AMPD3: variants seen among roughly 807,000 people sequenced by gnomAD.
AMPD3 encodes adenosine monophosphate deaminase 3.
A neutral mutation model predicts 82.3 loss-of-function variants in AMPD3; 57 were observed. The ratio of observed to expected loss-of-function variants is 0.69; its 90% CI spans 0.56 to 0.86. The LOEUF is 0.86. Among genes scored for constraint, AMPD3 ranks in the 40% least tolerant of loss-of-function variants. AMPD3 has a pLI of 0.00. For synonymous variants in AMPD3, 381 were observed against 394.7 expected, an observed-to-expected ratio of 0.97 and a Z score of 0.41; for missense variants, 870 against 1,003.8, an observed-to-expected ratio of 0.87 and a Z score of 1.80.
In AMPD3 at chr11:10,478,714, G is replaced by A; in HGVS notation, c.410G>A (p.Gly137Glu). The A allele has an allele frequency of 6.2e-7, 1 of 1,613,294 alleles. No individual in the cohort carries two copies. Residue 137 changes from glycine to glutamate, a missense_variant, in exon 3 of 15, where the codon GGA (glycine) becomes GAA (glutamate). By Grantham distance (98) the Gly-to-Glu change is moderately conservative. Coordinates refer to ENST00000396553, the MANE Select transcript of AMPD3 (RefSeq NM_001025389.2). ...GAGTTCCAGCGGGTCACCATCAGCG[G>A]AGATTACTGTGCCGGGGTAAGGCGT... ...MPEFQRVTIS[G>E]DYCAGITLED...
intron 2 of AMPD3, among the ~76,000 whole-genome samples, chr11:10,477,729 C>A (rs1448501990): frequency 6.6e-6 from 1 of 152,170 alleles, no homozygotes; most frequent in Non-Finnish European, 1.5e-5. Flanking sequence ...TGGTACACGG[C>A]GGGCTAGAGG....
chr11:10,500,045 G>A (rs777011148), intron 10 of AMPD3, 41 bp from the exon 11 acceptor site: 2 of 1,613,514 alleles, frequency 1.2e-6, no homozygotes, highest in Admixed American at 1.7e-5. Flanking sequence ...GCTGAGTCCT[G>A]GTCCTGCCTT....
At chr11:10,495,073 C>T (rs369387287) in intron 8 of AMPD3, 43 bp downstream of exon 8, 85 of 1,613,568 alleles carry the variant, frequency 5.3e-5, no homozygotes, top group Non-Finnish European at 6.8e-5. Flanking sequence ...CAGGTGCCTC[C>T]CAACATCTGC....
intron 3 of AMPD3, 94 bp downstream of exon 3, chr11:10,478,824 C>G (rs1482376475): frequency 3.0e-6 from 4 of 1,341,556 alleles, no homozygotes; most frequent in Non-Finnish European, 3.1e-6. Flanking sequence ...GAGCCTGGCC[C>G]TGTCCGTGGA....
intron 6 of AMPD3, among the ~76,000 whole-genome samples, chr11:10,492,263 T>A (rs911157760): frequency 1.3e-5 from 2 of 152,240 alleles, no homozygotes; most frequent in Non-Finnish European, 2.9e-5. Context: ...TTCTGCTTCT[T>A]AGGATTTGCT....
intron 3 of AMPD3, among the ~76,000 whole-genome samples, chr11:10,480,192 C>T (rs1591462473): frequency 6.6e-6 from 1 of 152,262 alleles, no homozygotes; most frequent in Non-Finnish European, 1.5e-5. Flanking sequence ...AGTAGGTCTG[C>T]TGTCAGCCAT....
In AMPD3 at chr11:10,494,996, A is replaced by C. The variant is rs767274643; in HGVS notation, c.1232A>C (p.Tyr411Ser). 1.2e-6 allele frequency: 2 copies of C among 1,614,236 alleles called. No individual in the cohort carries two copies. Among genetic ancestry groups the C allele is most frequent in the Admixed American group, 1.7e-5 (1 of 60,036 alleles). ...LRDLYLKTENYLGGEYFARMV... is the reference protein window; with the variant it reads ...LRDLYLKTENSLGGEYFARMV... The stretch of plus-strand genomic sequence containing the variant: ...GACCTGTATTTGAAAACTGAAAACT[A>C]TCTGGGAGGAGAGTACTTTGCTCGG... The change falls in exon 8 of 15, where the codon TAT becomes TCT. Residue 411 changes from tyrosine to serine, a missense_variant. Coordinates refer to ENST00000396553, the MANE Select transcript of AMPD3 (RefSeq NM_001025389.2).
intron 6 of AMPD3, among the ~76,000 whole-genome samples, chr11:10,491,277 G>T (rs1849233657): frequency 6.6e-6 from 1 of 152,200 alleles, no homozygotes; most frequent in Admixed American, 6.5e-5. Context: ...TACCCATAGT[G>T]ACTTGAGGCC....
intron 2 of AMPD3, among the ~76,000 whole-genome samples, chr11:10,462,686 G>A (rs1453886994): frequency 2.0e-5 from 3 of 152,164 alleles, no homozygotes; most frequent in Non-Finnish European, 4.4e-5. Flanking sequence ...CAGCGCAAGT[G>A]CTATGAAAGA....
chr11:10,484,959 G>T lies in AMPD3; in HGVS notation c.729G>T (p.Pro243=). Residue 243 remains proline, a synonymous_variant, in exon 5 of 15, where the codon CCG becomes CCT. Transcript: ENST00000396553. ...DNKKMLEHQE[P]HSLPYPDLET... The stretch of plus-strand genomic sequence containing the variant: ...AGAAGATGCTGGAGCACCAGGAGCC[G>T]CACAGCCTACCCTACCCCGACCTGG... 1.2e-6 allele frequency: 2 copies of T among 1,613,642 alleles called. No individual in the cohort carries two copies. The highest frequency in any genetic ancestry group is 1.7e-6 in the Non-Finnish European group (2 of 1,179,894).
intron 12 of AMPD3, chr11:10,502,361 G>A: frequency 1.0e-6 from 1 of 985,458 alleles, no homozygotes; most frequent in African/African-American, 1.7e-5. Flanking sequence ...ACAGCTAGAG[G>A]GGGGCATCTT....
intron 8 of AMPD3, chr11:10,495,260 A>G: frequency 1.0e-6 from 1 of 985,442 alleles, no homozygotes; most frequent in Non-Finnish European, 1.2e-6. Context: ...ACCTTGGCCA[A>G]GCTCACAGCA....
chr11:10,490,550 C>T, intron 6 of AMPD3: 6 of 985,378 alleles, frequency 6.1e-6, no homozygotes, highest in Non-Finnish European at 7.2e-6. Flanking sequence ...CTTGGATCCT[C>T]TGGTGAACTG....
At chr11:10,494,653 T>C in intron 7 of AMPD3, 1 of 985,434 alleles carries the variant, frequency 1.0e-6, no homozygotes, top group Non-Finnish European at 1.2e-6. Context: ...TGAGCCGAGC[T>C]GTGGTAACTT....
At position 10,499,994 on chromosome 11, in the gene AMPD3, C is replaced by G. The variant is rs1285482502; in HGVS notation, c.1558-92C>G. Reference sequence around the variant, plus strand: ...TGTGAACCTGAGGGGCCCAGACCCACAGGCCTCTGGCAGCTATGAGCTCTG... The same window carrying G: ...TGTGAACCTGAGGGGCCCAGACCCAGAGGCCTCTGGCAGCTATGAGCTCTG... On this transcript the variant is annotated intron_variant, in intron 10 of 14. Coordinates refer to ENST00000396553, the MANE Select transcript of AMPD3 (RefSeq NM_001025389.2). 3 of 1,573,322 alleles carry G rather than the reference C, an allele frequency of 1.9e-6. No individual in the cohort carries two copies. In the African/African-American group the frequency reaches 4.1e-5, roughly 21 times the overall value.
At chr11:10,484,507 G>A in intron 4 of AMPD3, 3 of 985,248 alleles carry the variant, frequency 3.0e-6, no homozygotes, top group Non-Finnish European at 3.6e-6. Flanking sequence ...TTAAAAAATT[G>A]TTGAAGTGCT....
At position 10,505,530 on chromosome 11, in the gene AMPD3, T is replaced by TGA. The variant is rs1849695407; in HGVS notation, c.2128-176_2128-175dup. On this transcript the variant is annotated intron_variant, in intron 14 of 14. Transcript: ENST00000396553. Reference sequence around the variant, plus strand: ...ACTGAGGTTGTCAGGGTGACATCCTTGAGGACACAGAGGCCAGCAGGAATT... The same window carrying TGA: ...ACTGAGGTTGTCAGGGTGACATCCTTGAGAGGACACAGAGGCCAGCAGGAATT... The TGA allele has an allele frequency of 7.1e-6, 7 of 985,320 alleles. No individual in the cohort carries two copies. In the African/African-American group the frequency reaches 1.2e-4, roughly 17 times the overall value. 61.0% of individuals were successfully genotyped at this position (985,320 alleles called of 1,614,324 possible).
intron 6 of AMPD3, among the ~76,000 whole-genome samples, chr11:10,490,133 C>T (rs997422868): frequency 7.2e-5 from 11 of 152,136 alleles, no homozygotes; most frequent in Non-Finnish European, 1.2e-4. Context: ...TGCGACGTGG[C>T]CGTGGATCTG....
intron 11 of AMPD3, chr11:10,501,158 G>C: frequency 1.0e-6 from 1 of 985,378 alleles, no homozygotes; most frequent in Non-Finnish European, 1.2e-6. Context: ...GGCCTTCCCT[G>C]CTCTGGAGTT....
Sources: allele counts gnomAD v4.1 joint callset (sites outside exome capture counted in the v4.1 genomes callset), GRCh38; gene constraint gnomAD v4.1.1; transcripts MANE v1.5; gene names NCBI Gene and HGNC (gene_info 2026-07-23, HGNC 2026-07-21).